C17orf99: variants seen among roughly 807,000 people sequenced by gnomAD.
C17orf99 encodes chromosome 17 open reading frame 99, also known as protein IL-40.
In C17orf99, 18 loss-of-function variants were observed where a neutral mutation model predicts 22.6. The observed-to-expected ratio is 0.80, with a 90% CI of 0.55 to 1.18. The LOEUF (loss-of-function observed/expected upper bound fraction) is 1.18, where lower values mean the gene tolerates loss of function less well. Ranked by LOEUF, C17orf99 falls within the 50% of genes most tolerant of loss-of-function variation. The pLI, the probability that C17orf99 is intolerant of heterozygous loss-of-function variation, is 0.00. For missense variants in C17orf99, 328 were observed against 342.7 expected (o/e 0.96, Z 0.34); for synonymous variants, 147 against 136.6 (o/e 1.08, Z -0.53).
At chr17:78,151,423 C>CAAAAAAAAAAAAAAAAAAAAAAAAA (rs35828431) in intron 2 of C17orf99, among the ~76,000 whole-genome samples, 1 of 56,180 alleles carries the variant, frequency 1.8e-5, no homozygotes. Flanking sequence ...GACTCTGTCT[C>CAAAAAAAAAAAAAAAAAAAAAAAAA]AAAAAAAAAA....
At chr17:78,165,194 T>C (rs1195929515) in intron 4 of C17orf99, 3 of 991,686 alleles carry the variant, frequency 3.0e-6, no homozygotes, top group Non-Finnish European at 3.6e-6. Flanking sequence ...TCTGCCTGTC[T>C]GGCTTTGGTG....
intron 2 of C17orf99, among the ~76,000 whole-genome samples, chr17:78,151,660 TCTC>T (rs1181969047): frequency 6.6e-6 from 1 of 151,814 alleles, no homozygotes; most frequent in South Asian, 2.1e-4. Context: ...CCTTTCCTCT[TCTC>T]CTCAGGCCCC....
At chr17:78,150,045 G>A (rs1012358539) in intron 2 of C17orf99, among the ~76,000 whole-genome samples, 10 of 148,468 alleles carry the variant, frequency 6.7e-5, no homozygotes, top group Non-Finnish European at 8.9e-5. Context: ...GTCTTGCCAT[G>A]TTGCCCAGGT....
At chr17:78,145,830 C>G (rs2075433840), upstream of C17orf99, among the ~76,000 whole-genome samples, 1 of 140,450 alleles carries the variant, frequency 7.1e-6, no homozygotes, top group Middle Eastern at 3.8e-3. Context: ...GAATCTCACT[C>G]TGTTGCCCAG....
At position 78,166,155 on chromosome 17, in the gene C17orf99, C is replaced by CAA. The variant is rs61377640; in HGVS notation, c.*130_*131dup. The CAA allele has an allele frequency of 0.011, 1,636 of 144,426 alleles. 11 individuals are homozygous for CAA. The highest frequency in any genetic ancestry group is 0.021 in the Middle Eastern group (8 of 388). 8.9% of individuals were successfully genotyped at this position (144,426 alleles called of 1,614,324 possible). A position where few individuals can be genotyped will look rare whatever the true frequency, so the allele number is the denominator to read the frequency against. ...GAGTGTGTTTTAGCTGCTCTTGCCA[C>CAA]AAAAAAAAAAAAAAAAAAAAAAGGG... On this transcript the variant is annotated 3_prime_UTR_variant, in exon 5 of 5. Coordinates refer to ENST00000340363, the MANE Select transcript of C17orf99 (RefSeq NM_001163075.2).
upstream of C17orf99, chr17:78,146,332 A>G: frequency 7.3e-7 from 1 of 1,375,544 alleles, no homozygotes; most frequent in Non-Finnish European, 1.0e-6. The surrounding 1 kb of genome is among the most constrained non-coding windows in gnomAD (Gnocchi z 5.2). Flanking sequence ...GGAGCATCCC[A>G]GGGGCCTCAG....
At chr17:78,161,336 C>T (rs928721945) in intron 3 of C17orf99, 82 bp downstream of exon 3, 7 of 1,268,720 alleles carry the variant, frequency 5.5e-6, no homozygotes, top group Non-Finnish European at 7.7e-6. Flanking sequence ...GGATTGTGAA[C>T]CTTGCTGGGG....
At chr17:78,160,098 A>C (rs1161176897) in intron 2 of C17orf99, 2 of 456,172 alleles carry the variant, frequency 4.4e-6, no homozygotes, top group Non-Finnish European at 8.8e-6. Flanking sequence ...GGAATTGTTG[A>C]GTCATATGGT....
At chr17:78,164,394 C>G in intron 4 of C17orf99, 30 bp downstream of exon 4, 1 of 1,551,146 alleles carries the variant, frequency 6.4e-7, no homozygotes, top group Non-Finnish European at 8.7e-7. Flanking sequence ...TCCAGAGGGG[C>G]AGCTGGCGCT....
chr17:78,152,287 C>T (rs1486512042), intron 2 of C17orf99, among the ~76,000 whole-genome samples: 5 of 151,414 alleles, frequency 3.3e-5, no homozygotes. Context: ...CAAACATCCT[C>T]CCATGTCAGC....
At chr17:78,148,237 A>AT (rs1555596212) in intron 2 of C17orf99, among the ~76,000 whole-genome samples, 1 of 150,616 alleles carries the variant, frequency 6.6e-6, no homozygotes, top group African/African-American at 2.5e-5. Context: ...AAAAAAGAAA[A>AT]TGGCTCGATC....
rs1490210846 is a variant in C17orf99 at position 78,157,340 on chromosome 17, CGGCGGCGGT to C, written c.71-3612_71-3604del. ...GACCTGTGTTCAGCAGCGGCGGCGG[CGGCGGCGGT>C]GGGCTCGGAGGCTCACAGCCAGTGG... On this transcript the variant is annotated intron_variant, in intron 2 of 4. Coordinates refer to ENST00000340363, the MANE Select transcript of C17orf99 (RefSeq NM_001163075.2). 6.2e-5 allele frequency: 46 copies of C among 738,374 alleles called. No individual in the cohort carries two copies. The African/African-American group carries it at 6.2e-4, about 10-fold the overall frequency. The allele number at this position is 738,374 out of a possible 1,614,324, so 45.7% of individuals were successfully genotyped here.
chr17:78,148,674 G>A (rs559440931), intron 2 of C17orf99, among the ~76,000 whole-genome samples: 4 of 152,252 alleles, frequency 2.6e-5, no homozygotes, highest in South Asian at 4.1e-4. Context: ...CGAAGGAGCC[G>A]ACCGAGCAGG....
chr17:78,165,888 G>T lies in C17orf99; in HGVS notation c.641-1G>T, dbSNP rs181766377. The T allele has an allele frequency of 1.2e-4, 159 of 1,343,502 alleles. No individual in the cohort carries two copies. In the African/African-American group the frequency reaches 2.1e-3, roughly 18 times the overall value. The allele number at this position is 1,343,502 out of a possible 1,614,324, so 83.2% of individuals were successfully genotyped here. A position where few individuals can be genotyped will look rare whatever the true frequency, so the allele number is the denominator to read the frequency against. On this transcript the variant is annotated splice_acceptor_variant, in intron 4 of 4. Transcript: ENST00000340363. LOFTEE classifies it high-confidence loss of function. Reference sequence around the variant, plus strand: ...ACTTGAGTCTCCACTGCTTTGTCAAGGTGGTGACCAGAAGATGGAGGACTG... The same window carrying T: ...ACTTGAGTCTCCACTGCTTTGTCAATGTGGTGACCAGAAGATGGAGGACTG...
upstream of C17orf99, among the ~76,000 whole-genome samples, chr17:78,145,664 G>C (rs1284299542): frequency 2.6e-5 from 4 of 152,152 alleles, no homozygotes; most frequent in African/African-American, 9.7e-5. Flanking sequence ...AGGCCCCAGT[G>C]ATTACATGAG....
Position 78,154,141 on chromosome 17 carries a change from G to A in C17orf99, c.71-6814G>A, listed in dbSNP as rs149363521. On this transcript the variant is annotated intron_variant, in intron 2 of 4. Transcript: ENST00000340363. Reference sequence around the variant, plus strand: ...GGGTTTCACCATGTTGCCCAGGCTGGCTTTGAACTCCTGGCCTCAAACGAT... The same window carrying A: ...GGGTTTCACCATGTTGCCCAGGCTGACTTTGAACTCCTGGCCTCAAACGAT... 2.6e-3 allele frequency among the ~76,000 whole-genome samples: 392 copies of A among 151,774 alleles called. 2 individuals carry two copies. The highest frequency in any genetic ancestry group is 8.6e-3 in the African/African-American group (356 of 41,414).
Position 78,153,377 on chromosome 17 carries a change from C to T in C17orf99, c.70+6466C>T, listed in dbSNP as rs545162711. ...GTGCATGCCTGTAATCCCAGCTACT[C>T]GGGAGGCTGAGGCAGGAGAATCACT... On this transcript the variant is annotated intron_variant, in intron 2 of 4. Coordinates refer to ENST00000340363, the MANE Select transcript of C17orf99 (RefSeq NM_001163075.2). Among the ~76,000 whole-genome samples the T allele has an allele frequency of 5.3e-5, 8 of 151,946 alleles. No individual in the cohort carries two copies. The East Asian group carries it at 1.6e-3, about 29-fold the overall frequency.
At chr17:78,163,192 T>C (rs1474559040) in intron 3 of C17orf99, among the ~76,000 whole-genome samples, 4 of 152,136 alleles carry the variant, frequency 2.6e-5, no homozygotes, top group African/African-American at 9.7e-5. Context: ...AGTTGGAGGC[T>C]GCAGTGAGCG....
intron 3 of C17orf99, among the ~76,000 whole-genome samples, chr17:78,162,910 C>T (rs554404325): frequency 2.2e-4 from 33 of 152,286 alleles, no homozygotes; most frequent in African/African-American, 7.0e-4. Flanking sequence ...CTCAGCCTCC[C>T]GAGTAGCTGG....
Sources: allele counts gnomAD v4.1 joint callset (sites outside exome capture counted in the v4.1 genomes callset), GRCh38; gene constraint gnomAD v4.1.1; non-coding constraint Gnocchi (gnomAD v3.1); transcripts MANE v1.5; gene names NCBI Gene and HGNC (gene_info 2026-07-23, HGNC 2026-07-21).